The following RBM27 variants were observed in gnomAD, a reference collection of about 807,000 sequenced individuals.
RBM27 encodes RNA binding motif protein 27, also known as RNA-binding protein 27.
A neutral mutation model predicts 135.3 loss-of-function variants in RBM27; 22 were observed. The observed-to-expected ratio is 0.16, with a 90% CI of 0.12 to 0.23. The LOEUF (loss-of-function observed/expected upper bound fraction) is 0.23. RBM27 is among the 10% of genes least tolerant of loss of function. The pLI, the probability that RBM27 is intolerant of heterozygous loss-of-function variation, is 1.00. For missense variants in RBM27, 1,009 were observed against 1,281.0 expected (o/e 0.79, Z 3.24); for synonymous variants, 481 against 442.4 (o/e 1.09, Z -1.10).
At chr5:146,211,548 C>T (rs927657325) in intron 1 of RBM27, among the ~76,000 whole-genome samples, 1 of 125,072 alleles carries the variant, frequency 8.0e-6, no homozygotes, top group African/African-American at 3.0e-5. Flanking sequence ...ATGGCATGAT[C>T]TCGGCTCACC....
At chr5:146,218,616 A>G (rs1489881027) in intron 1 of RBM27, among the ~76,000 whole-genome samples, 1 of 152,174 alleles carries the variant, frequency 6.6e-6, no homozygotes, top group Admixed American at 6.5e-5. Flanking sequence ...ATCACCTGGA[A>G]CAGATAGTTC....
chr5:146,226,126 C>G (rs1354728458), intron 3 of RBM27, among the ~76,000 whole-genome samples: 5 of 151,704 alleles, frequency 3.3e-5, no homozygotes. Flanking sequence ...CCTCGGCCTC[C>G]CAAAGTGCTG....
chr5:146,279,466 A>G (rs1291348258), intron 19 of RBM27, among the ~76,000 whole-genome samples: 1 of 150,976 alleles, frequency 6.6e-6, no homozygotes, highest in East Asian at 2.0e-4. Flanking sequence ...AAAACAAAAA[A>G]AAAACAAAAC....
chr5:146,233,392 G>T lies in RBM27; in HGVS notation c.851-58G>T, dbSNP rs1581169819. On this transcript the variant is annotated intron_variant, in intron 6 of 20. Transcript: ENST00000265271. ...GGGTTTTTCAGGGACATGTTTTGTT[G>T]TTTTCTGAACTCTAAGTAGATGATA... 7.4e-6 allele frequency: 11 copies of T among 1,477,394 alleles called. No homozygotes were observed. The East Asian group carries it at 2.7e-4, about 36-fold the overall frequency. The allele number at this position is 1,477,394 out of a possible 1,614,324, so 91.5% of individuals were successfully genotyped here. A position where few individuals can be genotyped will look rare whatever the true frequency, so the allele number is the denominator to read the frequency against.
At chr5:146,204,260 A>G (rs759046609) in intron 1 of RBM27, among the ~76,000 whole-genome samples, 8 of 152,218 alleles carry the variant, frequency 5.3e-5, no homozygotes, top group Admixed American at 2.6e-4. Context: ...TGAAAGGTCT[A>G]GAAGCAAAAT....
intron 7 of RBM27, among the ~76,000 whole-genome samples, chr5:146,236,345 A>AAGT (rs1757158209): frequency 6.6e-6 from 1 of 152,178 alleles, no homozygotes; most frequent in South Asian, 2.1e-4. Flanking sequence ...CGTACACTTA[A>AAGT]GCATGCTTAT....
rs540708498 is a variant in RBM27 at position 146,265,112 on chromosome 5, T to C, written c.2331+1481T>C. 4.6e-5 allele frequency among the ~76,000 whole-genome samples: 7 copies of C among 152,292 alleles called. 1 individual carries two copies. The South Asian group carries it at 1.2e-3, about 27-fold the overall frequency. ...CTTCTAAGAATCTATGTCAAAGGTA[T>C]ACCAGCCAAAATATGGAAAGACATA... On this transcript the variant is annotated intron_variant, in intron 14 of 20. Coordinates refer to ENST00000265271, the MANE Select transcript of RBM27 (RefSeq NM_018989.2).
At chr5:146,222,496 C>G (rs1300331600) in intron 2 of RBM27, among the ~76,000 whole-genome samples, 1 of 152,088 alleles carries the variant, frequency 6.6e-6, no homozygotes, top group Non-Finnish European at 1.5e-5. Context: ...CCAGCTTGGC[C>G]AACATGGTGA....
chr5:146,278,846 C>T (rs188549697), intron 19 of RBM27, among the ~76,000 whole-genome samples: 3 of 151,870 alleles, frequency 2.0e-5, no homozygotes, highest in African/African-American at 2.4e-5. Flanking sequence ...CTCAGCCTCC[C>T]GAGTAGCTGG....
chr5:146,221,831 T>C (rs1262092250), intron 2 of RBM27, among the ~76,000 whole-genome samples: 1 of 152,246 alleles, frequency 6.6e-6, no homozygotes, highest in African/African-American at 2.4e-5. Context: ...AACTGTAGAC[T>C]TATGTCTGTG....
chr5:146,258,514 G>A lies in RBM27; in HGVS notation c.1660G>A (p.Val554Ile). 6.2e-7 allele frequency: 1 copy of A among 1,604,126 alleles called. No homozygotes were observed. Among genetic ancestry groups the A allele is most frequent in the Non-Finnish European group, 8.5e-7 (1 of 1,175,052 alleles). The change falls in exon 11 of 21, where the codon GTA (valine) becomes ATA (isoleucine). Residue 554 changes from valine to isoleucine, a missense_variant. Coordinates refer to ENST00000265271, the MANE Select transcript of RBM27 (RefSeq NM_018989.2). ...TTCGATTAATAGCAACATAACCAGA[G>A]TAGTTCTTGAACCAGATAGTCGAAA... ...PVSINSNITR[V>I]VLEPDSRKRA...
At chr5:146,278,964 G>A (rs1285621708) in intron 19 of RBM27, among the ~76,000 whole-genome samples, 1 of 151,542 alleles carries the variant, frequency 6.6e-6, no homozygotes, top group African/African-American at 2.4e-5. Flanking sequence ...CTCGTGATCT[G>A]CCCGCCTCTG....
intron 12 of RBM27, 23 bp from the exon 13 acceptor site, chr5:146,261,487 T>C: frequency 6.3e-7 from 1 of 1,587,684 alleles, no homozygotes; most frequent in Non-Finnish European, 8.6e-7. Context: ...TTTGGGAATT[T>C]ATATTGTTTT....
chr5:146,231,344 A>G (rs941869068), intron 6 of RBM27, among the ~76,000 whole-genome samples: 2 of 152,128 alleles, frequency 1.3e-5, no homozygotes, highest in African/African-American at 4.8e-5. Flanking sequence ...ACCTCAGGTG[A>G]TCTGCCTGCC....
At chr5:146,283,586 A>T (rs776131240) in intron 19 of RBM27, among the ~76,000 whole-genome samples, 2 of 152,116 alleles carry the variant, frequency 1.3e-5, no homozygotes, top group Non-Finnish European at 2.9e-5. Context: ...GGCTATTTTG[A>T]TACATCAGTT....
At chr5:146,211,315 G>A (rs930886573) in intron 1 of RBM27, among the ~76,000 whole-genome samples, 4 of 151,740 alleles carry the variant, frequency 2.6e-5, no homozygotes, top group African/African-American at 7.3e-5. Context: ...CTAGTCTAAG[G>A]TATTTTGTTA....
chr5:146,224,163 T>G (rs1756569177), intron 3 of RBM27, among the ~76,000 whole-genome samples: 1 of 152,118 alleles, frequency 6.6e-6, no homozygotes, highest in Non-Finnish European at 1.5e-5. Context: ...CAAGTTAACT[T>G]CTCTGTCTCA....
chr5:146,233,505 C>A lies in RBM27; in HGVS notation c.906C>A (p.Pro302=). The change falls in exon 7 of 21, where the codon CCC becomes CCA. Residue 302 remains proline, a synonymous_variant. Transcript: ENST00000265271. ...GTCAGTTTGATCATGGAAATGATCC[C>A]CTAGTTGTTGATGAAGTTGCTCTGC... ...DLCQFDHGND[P]LVVDEVALPS... 1 of 1,609,322 alleles carries A rather than the reference C, an allele frequency of 6.2e-7. No homozygotes were observed. Among genetic ancestry groups the A allele is most frequent in the African/African-American group, 1.3e-5 (1 of 74,708 alleles).
chr5:146,280,923 T>C (rs901274086), intron 19 of RBM27, among the ~76,000 whole-genome samples: 1 of 152,158 alleles, frequency 6.6e-6, no homozygotes, highest in Non-Finnish European at 1.5e-5. Context: ...AGTGGCATGA[T>C]CTTGGCTCAC....
Sources: allele counts gnomAD v4.1 joint callset (sites outside exome capture counted in the v4.1 genomes callset), GRCh38; gene constraint gnomAD v4.1.1; transcripts MANE v1.5; gene names NCBI Gene and HGNC (gene_info 2026-07-23, HGNC 2026-07-21).